Variants in UBE3B observed in about 807,000 individuals in gnomAD.
UBE3B encodes the protein ubiquitin-protein ligase E3B.
Under a neutral mutation model 132.3 loss-of-function variants are expected in UBE3B, and 80 were observed. That is an observed-to-expected ratio of 0.60 (90% confidence interval 0.50 to 0.73). The LOEUF (loss-of-function observed/expected upper bound fraction) is 0.73. UBE3B is among the 30% of genes least tolerant of loss of function. The probability of loss-of-function intolerance (pLI) is 0.00; values close to 1 mark genes in which losing one functional copy is unlikely to be tolerated. For synonymous variants in UBE3B, 487 were observed against 520.4 expected (o/e 0.94, Z 0.87); for missense variants, 1,196 against 1,362.5 (o/e 0.88, Z 1.92).
chr12:109,490,915 A>G, intron 8 of UBE3B, 130 bp from the exon 9 acceptor site: 1 of 1,141,762 alleles, frequency 8.8e-7, no homozygotes. Context: ...GACTGTAGGT[A>G]CAAGCCACCA....
chr12:109,514,631 G>A (rs1341015338), intron 18 of UBE3B, among the ~76,000 whole-genome samples: 7 of 152,102 alleles, frequency 4.6e-5, no homozygotes, highest in Admixed American at 4.6e-4. Flanking sequence ...AAGTAGTTGT[G>A]TCACAAACTA....
the UBE3B span, among the ~76,000 whole-genome samples, chr12:109,544,353 G>A: frequency 0.071 from 9,807 of 138,916 alleles, 362 homozygotes; most frequent in South Asian, 0.12. Flanking sequence ...TAGAGGTATG[G>A]GGGGCCTGAG....
chr12:109,544,343 T>C, the UBE3B span, among the ~76,000 whole-genome samples: 1 of 125,734 alleles, frequency 8.0e-6, no homozygotes, highest in Admixed American at 9.3e-5. Flanking sequence ...TGGAATGTTC[T>C]AGAGGTATGG....
Position 109,507,583 on chromosome 12 carries a change from C to T in UBE3B, c.1470C>T (p.Asp490=). The change falls in exon 15 of 28, where the codon GAC becomes GAT. Residue 490 remains aspartate, a synonymous_variant. Coordinates refer to ENST00000342494, the MANE Select transcript of UBE3B (RefSeq NM_130466.4). The part of the protein sequence containing the change: ...QILTGLTYLD[D]LLPKLWAFIC... The stretch of plus-strand genomic sequence containing the variant: ...TTCCAGGTCTCACTTACCTTGATGA[C>T]CTGCTTCCCAAACTGTGGGCATTTA... The T allele has an allele frequency of 6.2e-7, 1 of 1,613,834 alleles. No homozygotes were observed. The highest frequency in any genetic ancestry group is 8.5e-7 in the Non-Finnish European group (1 of 1,179,884).
At chr12:109,492,159 C>CA (rs1877552594) in intron 9 of UBE3B, 1 of 152,170 alleles carries the variant, frequency 6.6e-6, no homozygotes, top group African/African-American at 2.4e-5. Flanking sequence ...ACTTTATTTA[C>CA]AAAAATAGGC....
Position 109,521,368 on chromosome 12 carries a change from A to G in UBE3B, c.2253+44A>G, listed in dbSNP as rs745768897. ...AGCAGGGCTGACAGCAGCCAGATTCAAGAAGTGAAGAGCTGGGCTTGCTCC... is the reference window on the plus strand; with the variant it reads ...AGCAGGGCTGACAGCAGCCAGATTCGAGAAGTGAAGAGCTGGGCTTGCTCC... On this transcript the variant is annotated intron_variant, in intron 20 of 27. Coordinates refer to ENST00000342494, the MANE Select transcript of UBE3B (RefSeq NM_130466.4). The surrounding 1 kb of genome is among the most constrained non-coding windows in gnomAD (Gnocchi z 4.2). 1 of 1,604,624 alleles carries G rather than the reference A, an allele frequency of 6.2e-7. No individual in the cohort carries two copies. Among genetic ancestry groups the G allele is most frequent in the South Asian group, 1.1e-5 (1 of 90,768 alleles).
At chr12:109,494,946 C>G (rs1049635475) in intron 9 of UBE3B, among the ~76,000 whole-genome samples, 1 of 152,244 alleles carries the variant, frequency 6.6e-6, no homozygotes, top group Non-Finnish European at 1.5e-5. Context: ...TATAACAATG[C>G]AGTCCTTTCC....
chr12:109,514,573 C>A (rs994253892), intron 18 of UBE3B, among the ~76,000 whole-genome samples: 5 of 152,208 alleles, frequency 3.3e-5, no homozygotes, highest in African/African-American at 9.7e-5. Context: ...TGTGTATCAC[C>A]AAACAGCACC....
intron 6 of UBE3B, among the ~76,000 whole-genome samples, chr12:109,487,733 G>A (rs545040968): frequency 2.0e-5 from 3 of 152,214 alleles, no homozygotes; most frequent in South Asian, 2.1e-4. Context: ...AGAAACAGAC[G>A]TCAGGAGAAA....
intron 18 of UBE3B, among the ~76,000 whole-genome samples, chr12:109,515,743 G>A (rs1363033742): frequency 6.6e-6 from 1 of 152,212 alleles, no homozygotes; most frequent in African/African-American, 2.4e-5. Context: ...AACAGCTGTG[G>A]TTAGATTTAT....
intron 18 of UBE3B, among the ~76,000 whole-genome samples, chr12:109,513,056 G>A (rs1323406805): frequency 6.6e-6 from 1 of 152,182 alleles, no homozygotes; most frequent in Admixed American, 6.5e-5. Context: ...GGCAGCTCCC[G>A]TTTGCATGTG....
At chr12:109,525,879 C>T (rs1439164104) in intron 23 of UBE3B, among the ~76,000 whole-genome samples, 3 of 152,128 alleles carry the variant, frequency 2.0e-5, no homozygotes, top group African/African-American at 4.8e-5. Flanking sequence ...ACAGGGTGCC[C>T]GTGATAGTGT....
intron 23 of UBE3B, 60 bp from the exon 24 acceptor site, chr12:109,526,298 G>A (rs1465536155): frequency 2.1e-5 from 33 of 1,548,178 alleles, no homozygotes; most frequent in African/African-American, 2.7e-5. Flanking sequence ...TCTCATCTCC[G>A]GGAAGCTTTA....
At position 109,536,176 on chromosome 12, in the gene UBE3B, G is replaced by A. The variant is rs1045256; in HGVS notation, c.*1394G>A. 0.17 allele frequency: 25,526 copies of A among 152,284 alleles called. 2,188 individuals carry two copies. The highest frequency in any genetic ancestry group is 0.18 in the African/African-American group (7,605 of 41,552). The allele number at this position is 152,284 out of a possible 1,614,324, so 9.4% of individuals were successfully genotyped here. On this transcript the variant is annotated 3_prime_UTR_variant, in exon 28 of 28. Transcript: ENST00000342494. ...CGAGCCCCCAGGCTTCTGGAAAAGAGTGTGTGCTCTACTTTGATGGAAACA... is the reference window on the plus strand; with the variant it reads ...CGAGCCCCCAGGCTTCTGGAAAAGAATGTGTGCTCTACTTTGATGGAAACA...
chr12:109,524,434 T>G lies in UBE3B; in HGVS notation c.2503-4T>G. ...TAACACTTTCCCCTTCTCTGTTACA[T>G]TAGCGCTATGATGGGGACATCACTG... is the stretch of plus-strand genomic sequence containing the variant. On this transcript the variant is annotated splice_polypyrimidine_tract_variant and splice_region_variant and intron_variant, in intron 22 of 27. Coordinates refer to ENST00000342494, the MANE Select transcript of UBE3B (RefSeq NM_130466.4). 6.2e-7 allele frequency: 1 copy of G among 1,614,172 alleles called. No homozygotes were observed. The highest frequency in any genetic ancestry group is 8.5e-7 in the Non-Finnish European group (1 of 1,180,016).
At chr12:109,531,543 C>T (rs1882939898) in intron 26 of UBE3B, among the ~76,000 whole-genome samples, 1 of 152,084 alleles carries the variant, frequency 6.6e-6, no homozygotes, top group South Asian at 2.1e-4. Context: ...TCTCATGTGG[C>T]CTCATCTGTT....
chr12:109,545,110 C>T, the UBE3B span, among the ~76,000 whole-genome samples: 1 of 152,242 alleles, frequency 6.6e-6, no homozygotes, highest in Non-Finnish European at 1.5e-5. Flanking sequence ...CAGAAGCCTT[C>T]TGTCTCCCAG....
chr12:109,546,367 C>T, the UBE3B span, among the ~76,000 whole-genome samples: 60 of 152,288 alleles, frequency 3.9e-4, 1 homozygote, highest in Middle Eastern at 6.8e-3. Context: ...GCCAGGGCAA[C>T]AGAAGCCAGC....
At position 109,534,180 on chromosome 12, in the gene UBE3B, A is replaced by G; in HGVS notation, c.3016-411A>G. Reference sequence around the variant, plus strand: ...GGAAGCTACACAGTCCTCGGCCTCCATGCTTAAGGGAAAGTTGGCCCAAGT... The same window carrying G: ...GGAAGCTACACAGTCCTCGGCCTCCGTGCTTAAGGGAAAGTTGGCCCAAGT... On this transcript the variant is annotated intron_variant, in intron 27 of 27. Coordinates refer to ENST00000342494, the MANE Select transcript of UBE3B (RefSeq NM_130466.4). The surrounding 1 kb of genome is among the most constrained non-coding windows in gnomAD (Gnocchi z 5.2). 8.1e-7 allele frequency: 1 copy of G among 1,237,262 alleles called. No individual in the cohort carries two copies. The highest frequency in any genetic ancestry group is 1.0e-6 in the Non-Finnish European group (1 of 968,268). The allele number at this position is 1,237,262 out of a possible 1,614,324, so 76.6% of individuals were successfully genotyped here. A position where few individuals can be genotyped will look rare whatever the true frequency, so the allele number is the denominator to read the frequency against.
Sources: allele counts gnomAD v4.1 joint callset (sites outside exome capture counted in the v4.1 genomes callset), GRCh38; gene constraint gnomAD v4.1.1; non-coding constraint Gnocchi (gnomAD v3.1); transcripts MANE v1.5; gene names NCBI Gene and HGNC (gene_info 2026-07-23, HGNC 2026-07-21).